PDXDC1: variants seen among roughly 807,000 people sequenced by gnomAD.
PDXDC1 encodes the protein pyridoxal dependent decarboxylase domain containing 1.
PDXDC1 carries 42 observed loss-of-function variants against 100.1 expected under a neutral mutation model. The ratio of observed to expected loss-of-function variants is 0.42; its 90% CI spans 0.33 to 0.54. PDXDC1 has a LOEUF of 0.54. Among genes scored for constraint, PDXDC1 ranks in the 20% least tolerant of loss-of-function variants. The pLI is 0.10. For synonymous variants in PDXDC1, 260 were observed against 371.7 expected (o/e 0.70, Z 3.46); for missense variants, 636 against 979.2 (o/e 0.65, Z 4.68).
At chr16:15,124,909 G>A (rs1426533420) in intron 16 of PDXDC1, among the ~76,000 whole-genome samples, 2 of 151,888 alleles carry the variant, frequency 1.3e-5, no homozygotes, top group East Asian at 1.9e-4. Context: ...AGCACTTTGG[G>A]AGGCTGAGGC....
chr16:15,130,318 CCT>C (rs1215132228), intron 16 of PDXDC1: 6 of 1,545,528 alleles, frequency 3.9e-6, no homozygotes, highest in African/African-American at 2.7e-5. Context: ...GGCAGCAGCC[CCT>C]CTGTCCGCCA....
At chr16:15,022,924 C>A (rs1242166133) in intron 13 of PDXDC1, among the ~76,000 whole-genome samples, 170 bp downstream of exon 13, 1 of 152,264 alleles carries the variant, frequency 6.6e-6, no homozygotes, top group Non-Finnish European at 1.5e-5. Flanking sequence ...AACAAAAAAA[C>A]CTGCTTATAT....
downstream of PDXDC1, among the ~76,000 whole-genome samples, chr16:15,143,792 C>T (rs1567332014): frequency 6.6e-6 from 1 of 152,224 alleles, no homozygotes; most frequent in East Asian, 1.9e-4. Flanking sequence ...TGCCTCAGAG[C>T]CTCACACTCA....
the PDXDC1 span, among the ~76,000 whole-genome samples, chr16:15,148,776 C>G: frequency 5.9e-5 from 9 of 152,034 alleles, no homozygotes; most frequent in Non-Finnish European, 1.0e-4. Context: ...TGCAGGTGCT[C>G]TCTGTCTCCA....
chr16:15,004,572 A>C (rs1320936745), intron 5 of PDXDC1, among the ~76,000 whole-genome samples: 1 of 152,280 alleles, frequency 6.6e-6, no homozygotes, highest in Non-Finnish European at 1.5e-5. Flanking sequence ...TGGAGAATAG[A>C]AGCACATATG....
downstream of PDXDC1, chr16:15,039,988 C>A: frequency 6.2e-7 from 1 of 1,603,138 alleles, no homozygotes; most frequent in Admixed American, 1.7e-5. Context: ...TGCTAAAGTT[C>A]GCGCAGCACG....
intron 3 of PDXDC1, among the ~76,000 whole-genome samples, 155 bp downstream of exon 3, chr16:14,998,560 T>A (rs1972494745): frequency 6.6e-6 from 1 of 152,292 alleles, no homozygotes; most frequent in African/African-American, 2.4e-5. Flanking sequence ...TTCTTTCTTG[T>A]GCCTCAGCCT....
intron 16 of PDXDC1, among the ~76,000 whole-genome samples, chr16:15,063,736 C>CA (rs2044827991): frequency 7.1e-6 from 1 of 140,664 alleles, no homozygotes; most frequent in Non-Finnish European, 1.6e-5. Context: ...AAAAACAAAA[C>CA]AAAAAAACAA....
intron 16 of PDXDC1, chr16:15,047,582 T>C (rs923858115): frequency 1.5e-5 from 22 of 1,474,714 alleles, no homozygotes; most frequent in Non-Finnish European, 1.2e-5. Flanking sequence ...ACTCAAGTTA[T>C]TCCCTGATGC....
At chr16:15,038,564 A>G, downstream of PDXDC1, 3 of 1,440,014 alleles carry the variant, frequency 2.1e-6, no homozygotes, top group Non-Finnish European at 2.9e-6. Context: ...CCCAGCCTGT[A>G]AACTCTCACC....
chr16:15,104,392 G>C, intron 16 of PDXDC1: 1 of 1,595,544 alleles, frequency 6.3e-7, no homozygotes, highest in Admixed American at 1.7e-5. Context: ...AGGGGAGTGA[G>C]CAGACACACT....
chr16:15,067,096 T>C (rs1368284463), intron 16 of PDXDC1, among the ~76,000 whole-genome samples: 1 of 147,914 alleles, frequency 6.8e-6, no homozygotes, highest in African/African-American at 2.5e-5. Flanking sequence ...GGTCTCTTTA[T>C]GCCTTTTCCT....
intron 16 of PDXDC1, chr16:15,061,482 G>T (rs966562553): frequency 7.7e-6 from 3 of 390,558 alleles, no homozygotes; most frequent in Non-Finnish European, 1.4e-5. Context: ...TATTAAACAA[G>T]CAAATCCTTC....
intron 16 of PDXDC1, chr16:15,073,025 A>G (rs371114304): frequency 3.3e-5 from 54 of 1,613,250 alleles, no homozygotes; most frequent in Non-Finnish European, 4.1e-5. Context: ...GGAGTTTGTC[A>G]AAGATGTTTA....
rs745307998 is a variant in PDXDC1 at position 15,065,189 on chromosome 16, C to T, written c.1399+35133C>T. ...TCAAAAAAAAAAAAAAAATCCACCT[C>T]CTCCAGCGTCAATGTTTAAAAGTAC... On this transcript the variant is annotated intron_variant, in intron 16 of 16. Transcript: ENST00000535621. 8 of 1,567,082 alleles carry T rather than the reference C, an allele frequency of 5.1e-6. No individual in the cohort carries two copies. In the East Asian group the frequency reaches 1.3e-4, roughly 26 times the overall value.
At chr16:15,126,118 T>G (rs1327471898) in intron 16 of PDXDC1, among the ~76,000 whole-genome samples, 2 of 151,598 alleles carry the variant, frequency 1.3e-5, no homozygotes, top group African/African-American at 4.9e-5. Flanking sequence ...CACTGCAACC[T>G]CCACCTCCCG....
At chr16:15,080,110 TG>T (rs1244192894) in intron 16 of PDXDC1, 1 of 1,589,636 alleles carries the variant, frequency 6.3e-7, no homozygotes, top group Non-Finnish European at 8.6e-7. Flanking sequence ...AAGGAGAAAA[TG>T]TAAGATAAAA....
At chr16:14,982,564 A>T (rs1968238527) in intron 1 of PDXDC1, among the ~76,000 whole-genome samples, 1 of 152,104 alleles carries the variant, frequency 6.6e-6, no homozygotes, top group South Asian at 2.1e-4. Flanking sequence ...CAAAAAAAAA[A>T]GAAGATGGGA....
At chr16:14,995,761 C>T (rs1368658218) in intron 1 of PDXDC1, among the ~76,000 whole-genome samples, 1 of 152,268 alleles carries the variant, frequency 6.6e-6, no homozygotes, top group African/African-American at 2.4e-5. Context: ...GCTGTGAATC[C>T]CTCTGGTCCC....
Sources: gnomAD v4.1 joint callset for allele counts (sites outside exome capture counted in the v4.1 genomes callset) on GRCh38, gnomAD v4.1.1 for gene constraint, MANE v1.5 for transcripts, NCBI Gene and HGNC (gene_info 2026-07-23, HGNC 2026-07-21) for gene names.